Variants in CCDC60 observed in about 807,000 individuals in gnomAD.
CCDC60 encodes coiled-coil domain containing 60.
CCDC60 carries 54 observed loss-of-function variants against 63.5 expected under a neutral mutation model. That is an observed-to-expected ratio of 0.85 (90% CI 0.68 to 1.07). The LOEUF (loss-of-function observed/expected upper bound fraction) is 1.07. CCDC60 is among the 50% of genes least tolerant of loss of function. The pLI, the probability that CCDC60 is intolerant of heterozygous loss-of-function variation, is 0.00. For missense variants in CCDC60, 651 were observed against 684.3 expected, an observed-to-expected ratio of 0.95 and a Z score of 0.54; for synonymous variants, 206 against 238.8, an observed-to-expected ratio of 0.86 and a Z score of 1.27.
At chr12:119,493,105 C>A (rs554983909) in intron 5 of CCDC60, among the ~76,000 whole-genome samples, 1 of 152,286 alleles carries the variant, frequency 6.6e-6, no homozygotes, top group South Asian at 2.1e-4. Flanking sequence ...CTCCAGTTCT[C>A]CTGACTGTGC....
intron 1 of CCDC60, among the ~76,000 whole-genome samples, chr12:119,417,349 C>A (rs887077509): frequency 1.1e-4 from 17 of 151,966 alleles, no homozygotes; most frequent in African/African-American, 4.1e-4. Context: ...GAAGAGAGAT[C>A]TTGTTAACCA....
rs1420653178 is a variant in CCDC60, at chr12:119,456,776, T to C, written c.171-15218T>C. ...TTGCCATGGCATTGGTAAACTGTCA[T>C]GGCGCTGACAGGAGTGTAGCAGTGA... On this transcript the variant is annotated intron_variant, in intron 2 of 13. Coordinates refer to ENST00000327554, the MANE Select transcript of CCDC60 (RefSeq NM_178499.5). This position sits in a 1 kb window ranked among gnomAD's most constrained non-coding sequence, Gnocchi z 4.6. 2.0e-5 allele frequency among the ~76,000 whole-genome samples: 3 copies of C among 152,222 alleles called. No homozygotes were observed. The highest frequency in any genetic ancestry group is 7.2e-5 in the African/African-American group (3 of 41,464).
At chr12:119,389,464 A>G (rs1488332115) in intron 1 of CCDC60, among the ~76,000 whole-genome samples, 2 of 151,922 alleles carry the variant, frequency 1.3e-5, no homozygotes, top group Admixed American at 6.6e-5. Flanking sequence ...CTCCAACTCT[A>G]TATTATTCCC....
intron 7 of CCDC60, among the ~76,000 whole-genome samples, chr12:119,507,608 A>ATT (rs1483859938): frequency 1.8e-4 from 5 of 27,574 alleles, no homozygotes; most frequent in Middle Eastern, 0.017. Flanking sequence ...ATATATATAT[A>ATT]TATATATTTT....
intron 1 of CCDC60, among the ~76,000 whole-genome samples, chr12:119,365,148 A>G (rs1169974352): frequency 6.6e-6 from 1 of 152,236 alleles, no homozygotes; most frequent in Non-Finnish European, 1.5e-5. Flanking sequence ...AACGTGTCCC[A>G]GGTGACAGCA....
intron 1 of CCDC60, among the ~76,000 whole-genome samples, chr12:119,375,251 A>G (rs1198491061): frequency 6.6e-6 from 1 of 152,242 alleles, no homozygotes; most frequent in Non-Finnish European, 1.5e-5. Context: ...TAAATGTTTA[A>G]CAACCAGCTT....
At chr12:119,385,693 G>A (rs1426056239) in intron 1 of CCDC60, among the ~76,000 whole-genome samples, 3 of 152,212 alleles carry the variant, frequency 2.0e-5, no homozygotes, top group African/African-American at 7.2e-5. Flanking sequence ...TAGAAAGGTT[G>A]GAGTCTCTGT....
At chr12:119,339,546 G>T (rs1169857421) in intron 1 of CCDC60, among the ~76,000 whole-genome samples, 1 of 152,130 alleles carries the variant, frequency 6.6e-6, no homozygotes, top group African/African-American at 2.4e-5. Context: ...ACACTTTGGG[G>T]GGGGCCGAGG....
intron 1 of CCDC60, among the ~76,000 whole-genome samples, chr12:119,351,263 C>G (rs1955653812): frequency 6.6e-6 from 1 of 152,182 alleles, no homozygotes; most frequent in Non-Finnish European, 1.5e-5. Context: ...ATTGAGAGAT[C>G]CATTCTCCCA....
intron 13 of CCDC60, among the ~76,000 whole-genome samples, chr12:119,531,616 C>A: frequency 6.6e-6 from 1 of 152,028 alleles, no homozygotes; most frequent in East Asian, 1.9e-4. Flanking sequence ...GAAGAGAAGA[C>A]AGTGTGTGCA....
intron 1 of CCDC60, among the ~76,000 whole-genome samples, chr12:119,386,898 G>A (rs891851252): frequency 6.6e-6 from 1 of 152,102 alleles, no homozygotes; most frequent in Non-Finnish European, 1.5e-5. Flanking sequence ...AGCAGAGCCG[G>A]TGCTGGAAAA....
At chr12:119,391,472 C>A (rs1467729828) in intron 1 of CCDC60, among the ~76,000 whole-genome samples, 1 of 152,230 alleles carries the variant, frequency 6.6e-6, no homozygotes, top group Non-Finnish European at 1.5e-5. Flanking sequence ...TGGAGAGTCA[C>A]CACCCATACC....
chr12:119,540,895 G>A lies in CCDC60; in HGVS notation c.*180G>A, dbSNP rs532285191. ...AACATTTTTAGAGGGGGATGGCCCC[G>A]GTGGCCCTCCCCTCAATTCCACACC... is the stretch of plus-strand genomic sequence containing the variant. On this transcript the variant is annotated 3_prime_UTR_variant, in exon 14 of 14. Coordinates refer to ENST00000327554, the MANE Select transcript of CCDC60 (RefSeq NM_178499.5). 7.1e-5 allele frequency: 39 copies of A among 550,444 alleles called. No homozygotes were observed. Among genetic ancestry groups the A allele is most frequent in the East Asian group, 6.3e-4 (20 of 31,834 alleles). The allele number at this position is 550,444 out of a possible 1,614,324, so 34.1% of individuals were successfully genotyped here.
chr12:119,424,714 C>A (rs1956871865), intron 1 of CCDC60, among the ~76,000 whole-genome samples: 1 of 152,068 alleles, frequency 6.6e-6, no homozygotes, highest in South Asian at 2.1e-4. Context: ...TTGTAAATGT[C>A]CTGAGAACTA....
At chr12:119,449,534 T>C (rs1325464864) in intron 2 of CCDC60, among the ~76,000 whole-genome samples, 1 of 152,136 alleles carries the variant, frequency 6.6e-6, no homozygotes, top group Non-Finnish European at 1.5e-5. Context: ...AAGGTGCCAT[T>C]ATTACATGCC....
chr12:119,458,881 G>T (rs543663966), intron 2 of CCDC60, among the ~76,000 whole-genome samples: 2 of 152,150 alleles, frequency 1.3e-5, no homozygotes, highest in South Asian at 4.2e-4. Flanking sequence ...CGAGTAGCTG[G>T]AATTAAAGGC....
chr12:119,430,173 TACACACACACACAC>T (rs36071467), intron 2 of CCDC60, among the ~76,000 whole-genome samples: 1 of 149,726 alleles, frequency 6.7e-6, no homozygotes, highest in African/African-American at 2.5e-5. Context: ...CTGCCACACA[TACACACACACACAC>T]ACACACACAC....
intron 5 of CCDC60, among the ~76,000 whole-genome samples, chr12:119,495,298 A>G (rs1951695018): frequency 6.6e-6 from 1 of 152,226 alleles, no homozygotes; most frequent in Non-Finnish European, 1.5e-5. Context: ...CGCCTCGAAG[A>G]AAAGAAGATC....
At chr12:119,471,389 G>T (rs1403338897) in intron 2 of CCDC60, among the ~76,000 whole-genome samples, 1 of 152,214 alleles carries the variant, frequency 6.6e-6, no homozygotes, top group Admixed American at 6.5e-5. Context: ...TTTAGTGCCT[G>T]CTATGCCATT....
Sources: gnomAD v4.1 joint callset for allele counts (sites outside exome capture counted in the v4.1 genomes callset) on GRCh38, gnomAD v4.1.1 for gene constraint, Gnocchi (gnomAD v3.1) non-coding constraint, MANE v1.5 for transcripts, NCBI Gene and HGNC (gene_info 2026-07-23, HGNC 2026-07-21) for gene names.